LPIN2: variants seen among roughly 807,000 people sequenced by gnomAD.
LPIN2 encodes lipin 2, also known as phosphatidate phosphatase LPIN2.
Under a neutral mutation model 111.4 loss-of-function variants are expected in LPIN2, and 55 were observed. That is an observed-to-expected ratio of 0.49 (90% CI 0.40 to 0.62). The LOEUF (loss-of-function observed/expected upper bound fraction) is 0.62, where lower values mean the gene tolerates loss of function less well. LPIN2 is among the 20% of genes least tolerant of loss of function. The probability of loss-of-function intolerance (pLI) is 0.00; values close to 1 mark genes in which losing one functional copy is unlikely to be tolerated. For synonymous variants in LPIN2, 425 were observed against 414.0 expected, an observed-to-expected ratio of 1.03 and a Z score of -0.32; for missense variants, 992 against 1,112.1, an observed-to-expected ratio of 0.89 and a Z score of 1.54.
In LPIN2 at chr18:2,921,620, C is replaced by T. The variant is rs759443752; in HGVS notation, c.2355G>A (p.Lys785=). The part of the protein sequence containing the change: ...HREVIEKKPE[K]FKIECLNDIK... Reference sequence around the variant, plus strand: ...TATCATTTAGACACTCAATTTTGAACTTCTCTGGTTTCTTTTCTATCACTT... The same window carrying T: ...TATCATTTAGACACTCAATTTTGAATTTCTCTGGTTTCTTTTCTATCACTT... The change falls in exon 18 of 20, where the codon AAG becomes AAA. Residue 785 remains lysine, a synonymous_variant. Transcript: ENST00000677752. 2.5e-6 allele frequency: 4 copies of T among 1,613,164 alleles called. No individual in the cohort carries two copies. Among genetic ancestry groups the T allele is most frequent in the Non-Finnish European group, 3.4e-6 (4 of 1,179,234 alleles).
intron 1 of LPIN2, among the ~76,000 whole-genome samples, chr18:2,997,989 C>G (rs2078371426): frequency 6.6e-6 from 1 of 152,232 alleles, no homozygotes; most frequent in Non-Finnish European, 1.5e-5. Flanking sequence ...TTTCCAGTGC[C>G]AGGCAGCTCC....
intron 1 of LPIN2, among the ~76,000 whole-genome samples, chr18:2,992,099 C>A (rs2078274956): frequency 6.6e-6 from 1 of 151,984 alleles, no homozygotes; most frequent in Admixed American, 6.6e-5. Flanking sequence ...CACAAAAGAA[C>A]TGAAAACAGA....
intron 2 of LPIN2, among the ~76,000 whole-genome samples, chr18:2,956,311 G>GGGGTGTGTGTGTGTGTGTGTGT (rs537302837): frequency 6.9e-5 from 10 of 143,960 alleles, no homozygotes; most frequent in Non-Finnish European, 9.0e-5. Flanking sequence ...TAGATGCAGG[G>GGGGTGTGTGTGTGTGTGTGTGT]GTGTGTGTGT....
intron 16 of LPIN2, 45 bp from the exon 17 acceptor site, chr18:2,922,244 G>T: frequency 6.3e-7 from 1 of 1,586,850 alleles, no homozygotes; most frequent in Non-Finnish European, 8.6e-7. Context: ...CTGGCTAAGG[G>T]AAAAGAAAAC....
At chr18:2,945,526 G>T in intron 4 of LPIN2, 1 of 1,155,432 alleles carries the variant, frequency 8.7e-7, no homozygotes, top group East Asian at 2.3e-5. Context: ...ATACGTAATA[G>T]CCTTCCTCCC....
intron 19 of LPIN2, 100 bp from the exon 20 acceptor site, chr18:2,920,537 G>T: frequency 7.4e-7 from 1 of 1,358,342 alleles, no homozygotes; most frequent in Non-Finnish European, 1.0e-6. Flanking sequence ...TTGCTCAGGT[G>T]GGCAGGTTCA....
intron 1 of LPIN2, chr18:2,982,771 T>G: frequency 7.9e-7 from 1 of 1,268,948 alleles, no homozygotes; most frequent in Non-Finnish European, 1.0e-6. Context: ...GTAAAACATC[T>G]TGAAATTTAA....
At chr18:2,982,845 A>T (rs1164454895) in intron 1 of LPIN2, 1 of 586,974 alleles carries the variant, frequency 1.7e-6, no homozygotes, top group Non-Finnish European at 2.9e-6. Flanking sequence ...CTCTTGACAA[A>T]CTGAGTACAA....
chr18:2,936,041 T>C (rs1372520850), intron 7 of LPIN2, among the ~76,000 whole-genome samples: 1 of 152,212 alleles, frequency 6.6e-6, no homozygotes, highest in African/African-American at 2.4e-5. Flanking sequence ...AGGCCTTTGG[T>C]GGAAGAGCAG....
chr18:2,977,657 G>A (rs2078042877), intron 1 of LPIN2, among the ~76,000 whole-genome samples: 1 of 152,114 alleles, frequency 6.6e-6, no homozygotes, highest in Non-Finnish European at 1.5e-5. Context: ...ACTCCCAAGA[G>A]CTAAACACAG....
At chr18:2,999,592 A>C (rs1598611225) in intron 1 of LPIN2, among the ~76,000 whole-genome samples, 1 of 142,932 alleles carries the variant, frequency 7.0e-6, no homozygotes, top group East Asian at 2.1e-4. Context: ...TGACAGAGAG[A>C]AACTCCGTCT....
In LPIN2 at chr18:2,931,256, C is replaced by A; in HGVS notation, c.1456G>T (p.Glu486Ter). The change falls in exon 9 of 20, where the codon GAA becomes TAA. Residue 486 changes from glutamate (E) to a stop codon, truncating the protein, a stop_gained and splice_region_variant. Coordinates refer to ENST00000677752, the MANE Select transcript of LPIN2 (RefSeq NM_001375808.2). LOFTEE classifies it high-confidence loss of function. ...GATGGGGCACAAACACCCAACGTAC[C>A]TTTTGAAATTTCTCCATTTTCACTG... Reference protein sequence around the residue: ...GLSENGEISKEKFMEHIITYH... With the variant: ...GLSENGEISK The A allele has an allele frequency of 6.2e-7, 1 of 1,614,040 alleles. No individual in the cohort carries two copies. The highest frequency in any genetic ancestry group is 8.5e-7 in the Non-Finnish European group (1 of 1,180,006).
At position 2,955,266 on chromosome 18, in the gene LPIN2, T is replaced by TG. The variant is rs151084892; in HGVS notation, c.193-668dup. ...TTAACTGGCTCATGGTTCTGCAGGCTGTACAAGCACGGCGTTGGCATCTGC... is the reference window on the plus strand; with the variant it reads ...TTAACTGGCTCATGGTTCTGCAGGCTGGTACAAGCACGGCGTTGGCATCTGC... On this transcript the variant is annotated intron_variant, in intron 2 of 19. Coordinates refer to ENST00000677752, the MANE Select transcript of LPIN2 (RefSeq NM_001375808.2). 6.2e-3 allele frequency among the ~76,000 whole-genome samples: 944 copies of TG among 152,320 alleles called. 6 individuals carry two copies. The highest frequency in any genetic ancestry group is 0.021 in the African/African-American group (883 of 41,560).
At chr18:2,998,606 G>A (rs1345584893) in intron 1 of LPIN2, among the ~76,000 whole-genome samples, 2 of 152,132 alleles carry the variant, frequency 1.3e-5, no homozygotes, top group Non-Finnish European at 2.9e-5. Context: ...TCCCTGAAGA[G>A]AGGGAGGAAG....
intron 2 of LPIN2, among the ~76,000 whole-genome samples, chr18:2,960,195 T>C (rs1419181917): frequency 1.3e-5 from 2 of 151,572 alleles, no homozygotes; most frequent in African/African-American, 2.4e-5. Flanking sequence ...TGTGTGTGTG[T>C]GTGTGTGTGT....
rs2077001121 is a variant in LPIN2, at chr18:2,918,442, G to A, written c.*1851C>T. ...TAGAAGGTAGTCAAGAGGACACACA[G>A]ATGGCATCTATGAAATAAGGTGGCT... On this transcript the variant is annotated 3_prime_UTR_variant, in exon 20 of 20. Coordinates refer to ENST00000677752, the MANE Select transcript of LPIN2 (RefSeq NM_001375808.2). 1.3e-5 allele frequency: 2 copies of A among 152,248 alleles called. 1 individual carries two copies. The highest frequency in any genetic ancestry group is 1.3e-4 in the Admixed American group (2 of 15,284). 9.4% of individuals were successfully genotyped at this position (152,248 alleles called of 1,614,324 possible).
At chr18:2,940,834 T>C (rs2077358054) in intron 4 of LPIN2, 122 bp from the exon 5 acceptor site, 1 of 694,362 alleles carries the variant, frequency 1.4e-6, no homozygotes, top group Non-Finnish European at 2.6e-6. Flanking sequence ...TTACTAACTC[T>C]CTCTAAAATA....
chr18:2,985,011 G>A (rs1421665550), intron 1 of LPIN2: 1 of 152,374 alleles, frequency 6.6e-6, no homozygotes. Flanking sequence ...CACAACAGGT[G>A]GGGCACCCAA....
At chr18:3,006,729 C>G (rs993079795) in intron 1 of LPIN2, among the ~76,000 whole-genome samples, 68 of 151,840 alleles carry the variant, frequency 4.5e-4, no homozygotes, top group African/African-American at 1.5e-3. Flanking sequence ...CCCAGCTACT[C>G]AGGAGGCTGA....
Sources: gnomAD v4.1 joint callset for allele counts (sites outside exome capture counted in the v4.1 genomes callset) on GRCh38, gnomAD v4.1.1 for gene constraint, MANE v1.5 for transcripts, NCBI Gene and HGNC (gene_info 2026-07-23, HGNC 2026-07-21) for gene names.